The following GSE1 variants were observed in gnomAD, a reference collection of about 807,000 sequenced individuals.
GSE1 encodes Gse1 coiled-coil protein.
A neutral mutation model predicts 112.6 loss-of-function variants in GSE1; 32 were observed. That is an observed-to-expected ratio of 0.28 (90% CI 0.21 to 0.38). GSE1 has a LOEUF of 0.38. Ranked by LOEUF, GSE1 falls within the 10% of genes least tolerant of loss-of-function variation. The probability of loss-of-function intolerance (pLI) is 1.00; values close to 1 mark genes in which losing one functional copy is unlikely to be tolerated. For synonymous variants in GSE1, 1,115 were observed against 735.6 expected (o/e 1.52, Z -8.35); for missense variants, 2,348 against 1,699.2 (o/e 1.38, Z -6.71).
chr16:85,514,684 A>G (rs1433506065), intron 2 of GSE1, among the ~76,000 whole-genome samples: 9 of 152,142 alleles, frequency 5.9e-5, no homozygotes, highest in African/African-American at 2.2e-4. Flanking sequence ...GAAACCTCTC[A>G]TTCCAGGATG....
chr16:85,604,973 A>T (rs1475137585), intron 1 of GSE1, among the ~76,000 whole-genome samples: 1 of 142,564 alleles, frequency 7.0e-6, no homozygotes, highest in Non-Finnish European at 1.5e-5. Flanking sequence ...GCCCTCCACC[A>T]CGCCCGGCTA....
At chr16:85,469,997 A>C (rs1288832171) in intron 2 of GSE1, among the ~76,000 whole-genome samples, 1 of 151,830 alleles carries the variant, frequency 6.6e-6, no homozygotes, top group East Asian at 1.9e-4. Flanking sequence ...GGCTGCTCCC[A>C]CTCACCCCAG....
intron 2 of GSE1, among the ~76,000 whole-genome samples, chr16:85,363,212 G>C (rs1567713079): frequency 6.6e-6 from 1 of 152,282 alleles, no homozygotes; most frequent in East Asian, 1.9e-4. Flanking sequence ...AGAAAACCAG[G>C]CCAAGATTGA....
At chr16:85,584,759 C>A (rs1297430445) in intron 1 of GSE1, among the ~76,000 whole-genome samples, 1 of 152,212 alleles carries the variant, frequency 6.6e-6, no homozygotes, top group African/African-American at 2.4e-5. Context: ...ATCCTCTAAT[C>A]TCGTGCATTG....
intron 2 of GSE1, among the ~76,000 whole-genome samples, chr16:85,470,737 C>A (rs1467656359): frequency 2.6e-5 from 4 of 152,190 alleles, no homozygotes; most frequent in African/African-American, 9.7e-5. Context: ...GCCCCCGCCC[C>A]CTGCCCACTT....
chr16:85,630,838 C>T (rs1190809279), intron 1 of GSE1, among the ~76,000 whole-genome samples: 2 of 152,148 alleles, frequency 1.3e-5, no homozygotes, highest in Non-Finnish European at 2.9e-5. Context: ...CTCGGTTTCC[C>T]CATCTGTACG....
At chr16:85,171,272 C>T (rs1262406976) in exon 1 of GSE1, 1 of 985,604 alleles carries the variant, frequency 1.0e-6, no homozygotes, top group Non-Finnish European at 1.2e-6. Flanking sequence ...GAGCTGCCGG[C>T]GTCGGCCCAG....
At chr16:85,403,218 G>A (rs2048160493) in intron 2 of GSE1, among the ~76,000 whole-genome samples, 1 of 152,186 alleles carries the variant, frequency 6.6e-6, no homozygotes, top group Admixed American at 6.5e-5. Context: ...GTGCGGGGGA[G>A]GGTAAGAGAG....
intron 1 of GSE1, among the ~76,000 whole-genome samples, chr16:85,590,368 TGAGTGTGTGA>T (rs1567622357): frequency 6.7e-6 from 1 of 149,542 alleles, no homozygotes; most frequent in East Asian, 2.0e-4. Context: ...TGAATGAGTG[TGAGTGTGTGA>T]GATTGTGTGA....
intron 2 of GSE1, chr16:85,359,235 G>T (rs944969609): frequency 2.7e-6 from 1 of 368,568 alleles, no homozygotes; most frequent in Non-Finnish European, 5.4e-6. Flanking sequence ...GGCAGGCCGG[G>T]TGCCCCTGTT....
chr16:85,387,620 C>T (rs1302898049), intron 2 of GSE1, among the ~76,000 whole-genome samples: 2 of 152,230 alleles, frequency 1.3e-5, no homozygotes, highest in Non-Finnish European at 2.9e-5. Flanking sequence ...TGCTTTCTTC[C>T]TCTTGCTTAT....
intron 2 of GSE1, among the ~76,000 whole-genome samples, chr16:85,468,865 C>G (rs370851975): frequency 6.6e-6 from 1 of 152,216 alleles, no homozygotes; most frequent in Admixed American, 6.5e-5. Context: ...CCAAAATTCA[C>G]GTCTACCAGG....
chr16:85,222,629 G>A (rs974524555), intron 1 of GSE1, among the ~76,000 whole-genome samples: 1 of 152,168 alleles, frequency 6.6e-6, no homozygotes, highest in African/African-American at 2.4e-5. Context: ...TTTGGAAATC[G>A]TAATGAATTT....
chr16:85,654,241 C>T (rs746329890), intron 3 of GSE1, 37 bp from the exon 4 acceptor site: 14 of 1,557,250 alleles, frequency 9.0e-6, no homozygotes, highest in Admixed American at 1.9e-5. Context: ...TGGCCTATAC[C>T]AGGCTCCTGC....
chr16:85,393,217 T>C (rs2047885794), intron 2 of GSE1, among the ~76,000 whole-genome samples: 1 of 152,160 alleles, frequency 6.6e-6, no homozygotes, highest in Non-Finnish European at 1.5e-5. Context: ...TGCAATGAAC[T>C]GTGATTACGC....
At chr16:85,665,433 A>G (rs1349722903) in intron 12 of GSE1, among the ~76,000 whole-genome samples, 2 of 152,314 alleles carry the variant, frequency 1.3e-5, no homozygotes, top group East Asian at 3.9e-4. Flanking sequence ...ATGGAGGCCA[A>G]TCCAATGGTA....
chr16:85,666,175 G>A lies in GSE1; in HGVS notation c.2958G>A (p.Leu986=), dbSNP rs1315416692. Residue 986 remains leucine, a synonymous_variant, in exon 13 of 16, where the codon CTG becomes CTA. Transcript: ENST00000253458. Reference sequence around the variant, plus strand: ...AGGCCCCTGGAGGCAAAAAGAGTCTGAGCATGCTTCACTATATCCGGGGCG... The same window carrying A: ...AGGCCCCTGGAGGCAAAAAGAGTCTAAGCATGCTTCACTATATCCGGGGCG... ...LSEAPGGKKS[L]SMLHYIRGAA... 6.2e-7 allele frequency: 1 copy of A among 1,613,534 alleles called. No individual in the cohort carries two copies. Among genetic ancestry groups the A allele is most frequent in the Non-Finnish European group, 8.5e-7 (1 of 1,180,044 alleles).
chr16:85,555,151 C>A, upstream of GSE1: 2 of 985,456 alleles, frequency 2.0e-6, no homozygotes, highest in Non-Finnish European at 2.4e-6. Flanking sequence ...CGCCCCTACC[C>A]TTTCGCTTTC....
intron 2 of GSE1, among the ~76,000 whole-genome samples, chr16:85,501,495 C>T (rs1021377973): frequency 6.7e-6 from 1 of 150,152 alleles, no homozygotes; most frequent in Non-Finnish European, 1.5e-5. Context: ...TGGGTTCAAG[C>T]GATCTCCCGC....
Sources: allele counts gnomAD v4.1 joint callset (sites outside exome capture counted in the v4.1 genomes callset), GRCh38; gene constraint gnomAD v4.1.1; transcripts MANE v1.5; gene names NCBI Gene and HGNC (gene_info 2026-07-23, HGNC 2026-07-21).